Variants in SYT9 observed in about 807,000 individuals in gnomAD.
SYT9 encodes the protein synaptotagmin 9, also known as synaptotagmin-9.
In SYT9, 22 loss-of-function variants were observed where a neutral mutation model predicts 48.4. That is an observed-to-expected ratio of 0.45 (90% CI 0.32 to 0.65). The LOEUF (loss-of-function observed/expected upper bound fraction) is 0.65, where lower values mean the gene tolerates loss of function less well. Among genes scored for constraint, SYT9 ranks in the 30% least tolerant of loss-of-function variants. SYT9 has a pLI of 0.03. For synonymous variants in SYT9, 265 were observed against 245.0 expected (o/e 1.08, Z -0.76); for missense variants, 577 against 622.0 (o/e 0.93, Z 0.77).
intron 6 of SYT9, among the ~76,000 whole-genome samples, chr11:7,447,391 T>G (rs753749150): frequency 2.6e-5 from 4 of 152,230 alleles, no homozygotes; most frequent in Non-Finnish European, 5.9e-5. Context: ...GAACATTTTA[T>G]GCCCCGGCCC....
At chr11:7,368,087 C>G (rs1317696421) in intron 3 of SYT9, among the ~76,000 whole-genome samples, 2 of 152,204 alleles carry the variant, frequency 1.3e-5, no homozygotes, top group African/African-American at 4.8e-5. Context: ...AGAGGCCACA[C>G]TCTAAATTGT....
intron 3 of SYT9, among the ~76,000 whole-genome samples, chr11:7,381,584 G>T (rs1409468078): frequency 6.6e-6 from 1 of 152,182 alleles, no homozygotes; most frequent in African/African-American, 2.4e-5. Flanking sequence ...CCCTCAGTGA[G>T]ATATTGTTGG....
intron 1 of SYT9, among the ~76,000 whole-genome samples, chr11:7,269,417 A>G (rs1848255022): frequency 6.6e-6 from 1 of 152,198 alleles, no homozygotes; most frequent in African/African-American, 2.4e-5. Context: ...CAATAACAGC[A>G]GGTTAGACAC....
At chr11:7,269,657 A>G (rs916728513) in intron 1 of SYT9, among the ~76,000 whole-genome samples, 1 of 152,158 alleles carries the variant, frequency 6.6e-6, no homozygotes, top group East Asian at 1.9e-4. Context: ...TTTCGACCTG[A>G]GTCTACTCTT....
chr11:7,412,794 C>A (rs1847162604), intron 3 of SYT9, among the ~76,000 whole-genome samples: 1 of 152,160 alleles, frequency 6.6e-6, no homozygotes, highest in Non-Finnish European at 1.5e-5. Flanking sequence ...TTGGTCTGAG[C>A]TGTAATGGGT....
Position 7,313,887 on chromosome 11 carries a change from G to C in SYT9, c.990G>C (p.Leu330Phe), listed in dbSNP as rs1849193465. The C allele has an allele frequency of 6.2e-7, 1 of 1,613,906 alleles. No individual in the cohort carries two copies. Among genetic ancestry groups the C allele is most frequent in the African/African-American group, 1.3e-5 (1 of 74,926 alleles). Reference sequence around the variant, plus strand: ...TGGTGGTGGATCACTTCCTAGACTTGGCTGATTTCCCCAGGGAGTGCATCC... The same window carrying C: ...TGGTGGTGGATCACTTCCTAGACTTCGCTGATTTCCCCAGGGAGTGCATCC... The part of the protein sequence containing the change: ...GQVVVDHFLD[L>F]ADFPRECILW... The change falls in exon 3 of 7, where the codon TTG becomes TTC. Residue 330 changes from leucine (L) to phenylalanine (F), a missense_variant. By Grantham distance (22) the Leu-to-Phe change is conservative. Coordinates refer to ENST00000318881, the MANE Select transcript of SYT9 (RefSeq NM_175733.4).
At chr11:7,430,527 TA>T (rs1847550510) in intron 6 of SYT9, among the ~76,000 whole-genome samples, 1 of 152,194 alleles carries the variant, frequency 6.6e-6, no homozygotes. Context: ...TTCATATTAG[TA>T]AAGTTTACTA....
chr11:7,285,514 T>C (rs1160538302), intron 1 of SYT9, among the ~76,000 whole-genome samples: 3 of 152,094 alleles, frequency 2.0e-5, no homozygotes, highest in Non-Finnish European at 4.4e-5. Context: ...GAGATTTGGG[T>C]GGGGACACAG....
intron 3 of SYT9, among the ~76,000 whole-genome samples, chr11:7,412,769 T>A (rs559544772): frequency 6.6e-6 from 1 of 152,326 alleles, no homozygotes; most frequent in African/African-American, 2.4e-5. Context: ...ATTGGGCCAC[T>A]CACTGAAATC....
intron 6 of SYT9, among the ~76,000 whole-genome samples, chr11:7,433,157 C>T (rs1847643599): frequency 6.6e-6 from 1 of 152,176 alleles, no homozygotes; most frequent in African/African-American, 2.4e-5. Flanking sequence ...CCATTTGCCA[C>T]ACTGGCTCCC....
chr11:7,331,944 C>T (rs1849541492), intron 3 of SYT9, among the ~76,000 whole-genome samples: 1 of 152,030 alleles, frequency 6.6e-6, no homozygotes, highest in African/African-American at 2.4e-5. Flanking sequence ...TATTATTTAA[C>T]CTAAGAGGTG....
chr11:7,424,773 G>A (rs917348301), intron 6 of SYT9, among the ~76,000 whole-genome samples: 9 of 152,342 alleles, frequency 5.9e-5, no homozygotes, highest in Middle Eastern at 3.4e-3. Context: ...CATTTTGGAT[G>A]TCTGCCTCAC....
rs74900591 is a variant in SYT9, at chr11:7,414,240, T to G, written c.1045-1802T>G. ...TGATTAGGAAGTTTCATAGGCATAG[T>G]TTTGGTTAATTCTGTATTTACTTTG... On this transcript the variant is annotated intron_variant, in intron 3 of 6. Coordinates refer to ENST00000318881, the MANE Select transcript of SYT9 (RefSeq NM_175733.4). Among the ~76,000 whole-genome samples, 199 of 152,316 alleles carry G rather than the reference T, an allele frequency of 1.3e-3. 1 individual carries two copies. The highest frequency in any genetic ancestry group is 0.012 in the East Asian group (62 of 5,184).
At chr11:7,251,741 T>C (rs1260812249), upstream of SYT9, among the ~76,000 whole-genome samples, 5 of 152,116 alleles carry the variant, frequency 3.3e-5, no homozygotes, top group Non-Finnish European at 7.4e-5. Flanking sequence ...GCGGCCGCTC[T>C]GGGCGCGAGG....
At chr11:7,312,711 A>G (rs970588241) in intron 2 of SYT9, among the ~76,000 whole-genome samples, 1 of 152,202 alleles carries the variant, frequency 6.6e-6, no homozygotes, top group Non-Finnish European at 1.5e-5. Context: ...TTTTTGAGCC[A>G]TTAGTGTTTA....
At chr11:7,406,535 C>CATATATATATATATATATAT (rs57371051) in intron 3 of SYT9, among the ~76,000 whole-genome samples, 1 of 135,340 alleles carries the variant, frequency 7.4e-6, no homozygotes, top group African/African-American at 2.8e-5. Flanking sequence ...TTCAATTGCG[C>CATATATATATATATATATAT]ATATATATAT....
At position 7,278,236 on chromosome 11, in the gene SYT9, C is replaced by T. The variant is rs148386313; in HGVS notation, c.146-24803C>T. ...CTTATAAAGCAATCACTTCCCCTCC[C>T]ATGATAACCTATTAATCCATTAGCC... is the stretch of plus-strand genomic sequence containing the variant. On this transcript the variant is annotated intron_variant, in intron 1 of 6. Coordinates refer to ENST00000318881, the MANE Select transcript of SYT9 (RefSeq NM_175733.4). Among the ~76,000 whole-genome samples, 481 of 152,278 alleles carry T rather than the reference C, an allele frequency of 3.2e-3. 4 individuals carry two copies. The highest frequency in any genetic ancestry group is 0.011 in the African/African-American group (474 of 41,560).
intron 6 of SYT9, chr11:7,440,904 A>T (rs1847818836): frequency 6.6e-6 from 1 of 152,224 alleles, no homozygotes; most frequent in Non-Finnish European, 1.5e-5. Flanking sequence ...AACACAATAA[A>T]ATAGACAACC....
At chr11:7,239,005 A>C (rs1847713287) in intron 1 of SYT9, 3 of 450,734 alleles carry the variant, frequency 6.7e-6, no homozygotes, top group Non-Finnish European at 8.9e-6. Flanking sequence ...TGGTAGAGTC[A>C]GCATTGGAGC....
Sources: gnomAD v4.1 joint callset for allele counts (sites outside exome capture counted in the v4.1 genomes callset) on GRCh38, gnomAD v4.1.1 for gene constraint, MANE v1.5 for transcripts, NCBI Gene and HGNC (gene_info 2026-07-23, HGNC 2026-07-21) for gene names.